The following RBFOX1 variants were observed in gnomAD, a reference collection of about 807,000 sequenced individuals.
The protein encoded by RBFOX1 is RNA binding fox-1 homolog 1.
In RBFOX1, 8 loss-of-function variants were observed where a neutral mutation model predicts 57.7. The observed-to-expected ratio is 0.14, with a 90% confidence interval of 0.08 to 0.25. The LOEUF (loss-of-function observed/expected upper bound fraction) is 0.25, where lower values mean the gene tolerates loss of function less well. Among genes scored for constraint, RBFOX1 ranks in the 10% least tolerant of loss-of-function variants. RBFOX1 has a pLI of 1.00. For synonymous variants in RBFOX1, 326 were observed against 222.4 expected (o/e 1.47, Z -4.15); for missense variants, 611 against 548.5 (o/e 1.11, Z -1.14).
chr16:7,278,733 A>G (rs1320460593), intron 4 of RBFOX1, among the ~76,000 whole-genome samples: 1 of 152,208 alleles, frequency 6.6e-6, no homozygotes, highest in East Asian at 1.9e-4. Context: ...CTCATGATGT[A>G]TTCAGTTTGA....
intron 1 of RBFOX1, chr16:6,037,252 GA>G (rs1224849238): frequency 1.3e-5 from 2 of 152,210 alleles, no homozygotes; most frequent in East Asian, 1.9e-4. Context: ...TTAAAACATT[GA>G]ATTGAGTCCC....
chr16:7,583,054 C>T (rs2093896847), intron 6 of RBFOX1, among the ~76,000 whole-genome samples: 1 of 152,100 alleles, frequency 6.6e-6, no homozygotes, highest in African/African-American at 2.4e-5. Context: ...GATTGGAATC[C>T]TGATTACCTT....
chr16:7,307,621 C>A (rs1206593675), intron 4 of RBFOX1, among the ~76,000 whole-genome samples: 1 of 152,158 alleles, frequency 6.6e-6, no homozygotes, highest in Non-Finnish European at 1.5e-5. Context: ...TCCTCCACAT[C>A]CAAGATGTTA....
At chr16:6,115,685 G>A (rs999117969) in intron 1 of RBFOX1, among the ~76,000 whole-genome samples, 1 of 152,118 alleles carries the variant, frequency 6.6e-6, no homozygotes, top group South Asian at 2.1e-4. Flanking sequence ...GTTGTGGGCC[G>A]AACAGTCTTT....
At chr16:7,412,673 G>C (rs1176339734) in intron 4 of RBFOX1, among the ~76,000 whole-genome samples, 3 of 152,132 alleles carry the variant, frequency 2.0e-5, no homozygotes, top group East Asian at 3.8e-4. Context: ...ACTCCCAAAG[G>C]CTTTTACCCC....
intron 3 of RBFOX1, chr16:6,983,655 C>T (rs1030282529): frequency 6.6e-6 from 1 of 152,164 alleles, no homozygotes; most frequent in Non-Finnish European, 1.5e-5. Flanking sequence ...TTATAAATCT[C>T]TTGGGAGAAG....
At chr16:5,462,928 G>A (rs1445769719) in intron 1 of RBFOX1, among the ~76,000 whole-genome samples, 1 of 152,146 alleles carries the variant, frequency 6.6e-6, no homozygotes. Context: ...CTGAAGTTAA[G>A]AAACCCAGTT....
intron 4 of RBFOX1, among the ~76,000 whole-genome samples, chr16:7,208,551 C>G (rs1043953808): frequency 1.3e-5 from 2 of 152,108 alleles, no homozygotes; most frequent in Non-Finnish European, 2.9e-5. Context: ...ACAACCTGTT[C>G]TCTGCTGGGT....
At chr16:5,775,892 C>T (rs1022398241) in intron 3 of RBFOX1, among the ~76,000 whole-genome samples, 2 of 152,286 alleles carry the variant, frequency 1.3e-5, no homozygotes, top group East Asian at 3.9e-4. Flanking sequence ...GACAATTGTT[C>T]TCCTTTTTTA....
chr16:6,793,609 AACTGAAAGCTTT>A (rs764224473), intron 3 of RBFOX1, among the ~76,000 whole-genome samples: 13 of 152,174 alleles, frequency 8.5e-5, no homozygotes, highest in Non-Finnish European at 1.3e-4. Context: ...CACAAGAGCA[AACTGAAAGCTTT>A]ACTGTTAAGC....
At chr16:6,994,790 C>G (rs558534490) in intron 3 of RBFOX1, among the ~76,000 whole-genome samples, 103 of 152,236 alleles carry the variant, frequency 6.8e-4, no homozygotes, top group African/African-American at 2.4e-3. Context: ...TGTTACCGAC[C>G]AAATTGCATG....
At chr16:6,386,031 G>A (rs2092254529) in intron 2 of RBFOX1, among the ~76,000 whole-genome samples, 1 of 151,682 alleles carries the variant, frequency 6.6e-6, no homozygotes, top group Non-Finnish European at 1.5e-5. Flanking sequence ...CGCCTCCCGG[G>A]TTCACACCAT....
chr16:7,429,019 A>G (rs920918414), intron 4 of RBFOX1, among the ~76,000 whole-genome samples: 4 of 152,138 alleles, frequency 2.6e-5, no homozygotes, highest in African/African-American at 4.8e-5. Context: ...CCTTGATTCT[A>G]CTGTGAGACG....
chr16:7,282,126 G>T (rs1277971041), intron 4 of RBFOX1, among the ~76,000 whole-genome samples: 1 of 152,096 alleles, frequency 6.6e-6, no homozygotes, highest in Non-Finnish European at 1.5e-5. Context: ...GCCTCCCAGA[G>T]TGCTGGGATT....
chr16:7,300,280 C>A (rs546062762), intron 4 of RBFOX1, among the ~76,000 whole-genome samples: 1 of 152,214 alleles, frequency 6.6e-6, no homozygotes, highest in African/African-American at 2.4e-5. Flanking sequence ...TCCGGCCCCA[C>A]TGATGCCGAC....
chr16:5,789,840 C>T (rs999598535), intron 3 of RBFOX1, among the ~76,000 whole-genome samples: 2 of 152,222 alleles, frequency 1.3e-5, no homozygotes, highest in Non-Finnish European at 2.9e-5. Flanking sequence ...ATTCACCATA[C>T]ACCATGACTA....
intron 3 of RBFOX1, among the ~76,000 whole-genome samples, chr16:6,857,523 C>T (rs1373923135): frequency 6.6e-6 from 1 of 152,136 alleles, no homozygotes; most frequent in African/African-American, 2.4e-5. Flanking sequence ...TTCAAAATTA[C>T]TATTTGGTCC....
In RBFOX1 at chr16:5,935,345, C is replaced by T. The variant is rs184190654; in HGVS notation, c.351+68010C>T. Reference sequence around the variant, plus strand: ...TGGGGACACACGAGGATCCATCCTGCGTGTGGCAGAGGGTGGAAGGAGGAC... The same window carrying T: ...TGGGGACACACGAGGATCCATCCTGTGTGTGGCAGAGGGTGGAAGGAGGAC... On this transcript the variant is annotated intron_variant, in intron 4 of 19. Coordinates refer to the RBFOX1 transcript ENST00000641259. Among the ~76,000 whole-genome samples the T allele has an allele frequency of 5.9e-4, 90 of 152,232 alleles. No homozygotes were observed. In the East Asian group the frequency reaches 0.011, roughly 18 times the overall value.
intron 3 of RBFOX1, among the ~76,000 whole-genome samples, chr16:5,702,738 G>A (rs958810130): frequency 4.6e-5 from 7 of 152,162 alleles, no homozygotes; most frequent in Non-Finnish European, 7.4e-5. Context: ...AAAACCTTTG[G>A]GGAATAGATT....
Sources: allele counts gnomAD v4.1 joint callset (sites outside exome capture counted in the v4.1 genomes callset), GRCh38; gene constraint gnomAD v4.1.1; transcripts MANE v1.5; gene names NCBI Gene and HGNC (gene_info 2026-07-23, HGNC 2026-07-21).